PTK2: variants seen among roughly 807,000 people sequenced by gnomAD.
PTK2 encodes protein tyrosine kinase 2, also known as focal adhesion kinase 1.
A neutral mutation model predicts 150.1 loss-of-function variants in PTK2; 45 were observed. The ratio of observed to expected loss-of-function variants is 0.30; its 90% CI spans 0.24 to 0.38. PTK2 has a LOEUF of 0.38. Among genes scored for constraint, PTK2 ranks in the 10% least tolerant of loss-of-function variants. The pLI is 1.00. For synonymous variants in PTK2, 432 were observed against 449.2 expected (o/e 0.96, Z 0.48); for missense variants, 919 against 1,307.3 (o/e 0.70, Z 4.58).
At chr8:140,902,938 T>TTTTTTG (rs2100159249) in intron 2 of PTK2, among the ~76,000 whole-genome samples, 4 of 136,966 alleles carry the variant, frequency 2.9e-5, no homozygotes, top group Non-Finnish European at 6.2e-5. Context: ...TTTTTTTTTT[T>TTTTTTG]TTTTTTTTTT....
intron 21 of PTK2, among the ~76,000 whole-genome samples, chr8:140,737,310 C>T (rs1382311698): frequency 4.6e-5 from 7 of 152,054 alleles, no homozygotes; most frequent in East Asian, 1.9e-4. Flanking sequence ...GCTAAGTTGT[C>T]CAGGCTGGTC....
intron 5 of PTK2, among the ~76,000 whole-genome samples, chr8:140,862,862 G>C (rs2100137057): frequency 6.6e-6 from 1 of 152,094 alleles, no homozygotes; most frequent in African/African-American, 2.4e-5. Flanking sequence ...CTGTGGCCCT[G>C]GTCTGTAGAA....
At chr8:140,805,533 A>G (rs2100097680) in intron 10 of PTK2, among the ~76,000 whole-genome samples, 1 of 151,362 alleles carries the variant, frequency 6.6e-6, no homozygotes, top group Non-Finnish European at 1.5e-5. Flanking sequence ...CACTCTGCAC[A>G]GAGCAAAACT....
chr8:140,695,007 C>T (rs7839119), intron 26 of PTK2, among the ~76,000 whole-genome samples: 1 of 152,058 alleles, frequency 6.6e-6, no homozygotes, highest in Non-Finnish European at 1.5e-5. Context: ...TAAAAATCTG[C>T]ATCTCCAGCG....
At chr8:140,805,008 T>C (rs1166925878) in intron 10 of PTK2, among the ~76,000 whole-genome samples, 1 of 152,160 alleles carries the variant, frequency 6.6e-6, no homozygotes, top group Middle Eastern at 3.2e-3. Context: ...AATCTACAAA[T>C]GTGAAAGGGC....
At chr8:140,759,441 G>C (rs1231338325) in intron 16 of PTK2, among the ~76,000 whole-genome samples, 2 of 149,396 alleles carry the variant, frequency 1.3e-5, no homozygotes, top group Non-Finnish European at 3.0e-5. Context: ...GGCTGAGGTG[G>C]GAGGACCACT....
intron 31 of PTK2, chr8:140,662,608 C>G (rs1400258586): frequency 2.2e-6 from 1 of 447,552 alleles, no homozygotes; most frequent in Non-Finnish European, 4.0e-6. Flanking sequence ...TTCTCAAAAA[C>G]AAGTTAAAGG....
At position 140,815,720 on chromosome 8, in the gene PTK2, G is replaced by C. The variant is rs1052744919; in HGVS notation, c.867+2557C>G. Among the ~76,000 whole-genome samples the C allele has an allele frequency of 2.0e-5, 3 of 151,852 alleles. 1 individual carries two copies. Among genetic ancestry groups the C allele is most frequent in the Middle Eastern group, 6.8e-3 (2 of 292 alleles). ...ACAAATATAACTCAATATTTTAAAA[G>C]AATATTGTATATTATTAATTGGCTC... On this transcript the variant is annotated intron_variant, in intron 10 of 31. Coordinates refer to ENST00000522684, the Ensembl canonical transcript of PTK2.
chr8:140,659,386 C>A (rs755512542), exon 32 of PTK2: 96 of 1,300,220 alleles, frequency 7.4e-5, no homozygotes, highest in Non-Finnish European at 9.5e-5. Flanking sequence ...ACTGAGGACA[C>A]AGGGTTAATT....
chr8:140,882,335 C>T (rs2100149651), intron 3 of PTK2, among the ~76,000 whole-genome samples: 1 of 152,126 alleles, frequency 6.6e-6, no homozygotes, highest in South Asian at 2.1e-4. Flanking sequence ...TATGGAAGTG[C>T]CCCATTTTCA....
intron 7 of PTK2, among the ~76,000 whole-genome samples, chr8:140,837,756 C>T (rs1285598517): frequency 2.0e-5 from 3 of 148,470 alleles, no homozygotes; most frequent in African/African-American, 7.5e-5. Flanking sequence ...CAAAAAAAGT[C>T]ATTTAGAAAT....
At chr8:140,839,383 CTGAG>C (rs1444120213) in intron 7 of PTK2, among the ~76,000 whole-genome samples, 1 of 152,152 alleles carries the variant, frequency 6.6e-6, no homozygotes, top group Admixed American at 6.5e-5. Context: ...CTTTGGTGGC[CTGAG>C]TGAGAGTCAG....
At chr8:140,836,824 T>C (rs2100118951) in intron 7 of PTK2, among the ~76,000 whole-genome samples, 1 of 152,116 alleles carries the variant, frequency 6.6e-6, no homozygotes, top group Admixed American at 6.5e-5. Context: ...CAAACCACTA[T>C]AGCAAAATAT....
intron 2 of PTK2, chr8:140,920,913 T>C (rs2100167136): frequency 2.0e-6 from 3 of 1,517,346 alleles, no homozygotes; most frequent in South Asian, 2.4e-5. Flanking sequence ...TCCAACAACA[T>C]ACACCCAATC....
intron 24 of PTK2, among the ~76,000 whole-genome samples, chr8:140,704,605 G>A (rs565353069): frequency 6.6e-6 from 1 of 152,266 alleles, no homozygotes; most frequent in South Asian, 2.1e-4. Context: ...TTCCCACTCA[G>A]GGCCAGTTCA....
At chr8:140,907,823 C>G (rs1478904221) in intron 2 of PTK2, among the ~76,000 whole-genome samples, 1 of 152,106 alleles carries the variant, frequency 6.6e-6, no homozygotes, top group Non-Finnish European at 1.5e-5. Context: ...CGTGTGTGTC[C>G]TAACTGCTCC....
At chr8:140,905,257 G>A (rs906800765) in intron 2 of PTK2, among the ~76,000 whole-genome samples, 41 of 152,046 alleles carry the variant, frequency 2.7e-4, no homozygotes, top group Non-Finnish European at 3.1e-4. Flanking sequence ...AAGACTCATC[G>A]GAGTGCTGTA....
At chr8:140,948,478 G>GA (rs2100178432) in intron 1 of PTK2, among the ~76,000 whole-genome samples, 1 of 152,022 alleles carries the variant, frequency 6.6e-6, no homozygotes, top group Admixed American at 6.6e-5. Context: ...CCAAGCAAAG[G>GA]AAAGATATTG....
intron 2 of PTK2, among the ~76,000 whole-genome samples, chr8:140,906,843 T>A (rs777903316): frequency 2.0e-5 from 3 of 152,154 alleles, no homozygotes; most frequent in Admixed American, 6.6e-5. Flanking sequence ...GGAGATGATA[T>A]CCTAATTACC....
Sources: allele counts gnomAD v4.1 joint callset (sites outside exome capture counted in the v4.1 genomes callset), GRCh38; gene constraint gnomAD v4.1.1; transcripts MANE v1.5; gene names NCBI Gene and HGNC (gene_info 2026-07-23, HGNC 2026-07-21).